The following IGSF21 variants were observed in gnomAD, a reference collection of about 807,000 sequenced individuals.
The protein encoded by IGSF21 is immunoglobulin superfamily member 21.
IGSF21 carries 28 observed loss-of-function variants against 46.8 expected under a neutral mutation model. The ratio of observed to expected loss-of-function variants is 0.60; its 90% CI spans 0.44 to 0.82. The LOEUF (loss-of-function observed/expected upper bound fraction) is 0.82. Ranked by LOEUF, IGSF21 falls within the 40% of genes least tolerant of loss-of-function variation. The probability of loss-of-function intolerance (pLI) is 0.00; values close to 1 mark genes in which losing one functional copy is unlikely to be tolerated. For missense variants in IGSF21, 624 were observed against 665.5 expected, an observed-to-expected ratio of 0.94 and a Z score of 0.69; for synonymous variants, 284 against 273.6, an observed-to-expected ratio of 1.04 and a Z score of -0.38.
intron 1 of IGSF21, among the ~76,000 whole-genome samples, chr1:18,131,006 C>T (rs9662184): frequency 0.14 from 20,633 of 152,170 alleles, 1,612 homozygotes; most frequent in African/African-American, 0.19. Context: ...TTGAGGTCCG[C>T]CTAGGCGGCT....
chr1:18,374,408 G>A (rs2086259148), intron 6 of IGSF21, among the ~76,000 whole-genome samples: 1 of 152,192 alleles, frequency 6.6e-6, no homozygotes, highest in Admixed American at 6.5e-5. Flanking sequence ...GGCCCCGCGT[G>A]TTAGGCAAGG....
At chr1:18,323,605 C>A (rs1322933780) in intron 3 of IGSF21, among the ~76,000 whole-genome samples, 2 of 152,068 alleles carry the variant, frequency 1.3e-5, no homozygotes, top group Non-Finnish European at 2.9e-5. Context: ...AGGGGTGGAG[C>A]CTGAGAGGGG....
At chr1:18,331,591 C>T (rs1019648431) in intron 3 of IGSF21, among the ~76,000 whole-genome samples, 1 of 152,208 alleles carries the variant, frequency 6.6e-6, no homozygotes, top group Non-Finnish European at 1.5e-5. Context: ...GTATCCTTTT[C>T]ATATAATGTC....
intron 1 of IGSF21, among the ~76,000 whole-genome samples, chr1:18,150,900 A>T (rs10907334): frequency 1.3e-5 from 2 of 152,046 alleles, no homozygotes; most frequent in Admixed American, 6.5e-5. Flanking sequence ...GGGCGGCCCT[A>T]GCCCCAAATC....
chr1:18,124,226 G>A (rs544085432), intron 1 of IGSF21, among the ~76,000 whole-genome samples: 10 of 152,256 alleles, frequency 6.6e-5, no homozygotes, highest in African/African-American at 2.2e-4. Flanking sequence ...GGACCTCCTC[G>A]TCCTCACCTG....
chr1:18,131,688 C>G (rs1177302410), intron 1 of IGSF21, among the ~76,000 whole-genome samples: 1 of 152,196 alleles, frequency 6.6e-6, no homozygotes, highest in Non-Finnish European at 1.5e-5. Flanking sequence ...GGTGGTTTTC[C>G]TCCATGTGCT....
In IGSF21 at chr1:18,193,543, A is replaced by G. The variant is rs1205736227; in HGVS notation, c.71-34355A>G. On this transcript the variant is annotated intron_variant, in intron 1 of 9. Transcript: ENST00000251296. Reference sequence around the variant, plus strand: ...AGTCCTATGCTCGAGGGCAGGAAGCATCCAGCATGGGAGAAAGATGTAGGC... The same window carrying G: ...AGTCCTATGCTCGAGGGCAGGAAGCGTCCAGCATGGGAGAAAGATGTAGGC... 2.0e-5 allele frequency among the ~76,000 whole-genome samples: 3 copies of G among 152,308 alleles called. No individual in the cohort carries two copies. In the East Asian group the frequency reaches 5.8e-4, roughly 29 times the overall value.
At position 18,108,083 on chromosome 1, in the gene IGSF21, G is replaced by T. The variant is rs1220135616; in HGVS notation, c.-46G>T. ...CATGGCGAGGGGACCCGCCGCCACC[G>T]CCTCCACCCCCGCCGCCCCGCCACC... is the stretch of plus-strand genomic sequence containing the variant. On this transcript the variant is annotated 5_prime_UTR_variant, in exon 1 of 10. Transcript: ENST00000251296. 1.1e-6 allele frequency: 1 copy of T among 946,570 alleles called. No individual in the cohort carries two copies. Among genetic ancestry groups the T allele is most frequent in the Admixed American group, 3.3e-5 (1 of 30,538 alleles). The allele number at this position is 946,570 out of a possible 1,614,324, so 58.6% of individuals were successfully genotyped here.
intron 3 of IGSF21, among the ~76,000 whole-genome samples, chr1:18,317,959 C>T (rs1309137093): frequency 2.6e-5 from 4 of 152,210 alleles, no homozygotes; most frequent in Non-Finnish European, 5.9e-5. Flanking sequence ...GGATTCAAAG[C>T]TGGGCAGCTA....
At chr1:18,330,842 C>A (rs1411432008) in intron 3 of IGSF21, among the ~76,000 whole-genome samples, 1 of 152,206 alleles carries the variant, frequency 6.6e-6, no homozygotes, top group African/African-American at 2.4e-5. Context: ...AAGTTCCCAC[C>A]TGCCCCTGTC....
chr1:18,291,112 G>C (rs1401649134), intron 2 of IGSF21, among the ~76,000 whole-genome samples: 2 of 152,250 alleles, frequency 1.3e-5, no homozygotes, highest in African/African-American at 4.8e-5. Context: ...ATGTGGGGAA[G>C]CAGGCGGGCG....
chr1:18,110,244 G>A (rs974495997), intron 1 of IGSF21: 16 of 152,292 alleles, frequency 1.1e-4, no homozygotes, highest in African/African-American at 3.9e-4. Context: ...CTGGGGCGCA[G>A]AGGGAGATCC....
At chr1:18,126,076 C>A (rs1365369232) in intron 1 of IGSF21, among the ~76,000 whole-genome samples, 1 of 152,110 alleles carries the variant, frequency 6.6e-6, no homozygotes, top group African/African-American at 2.4e-5. Context: ...GACTTAGCAG[C>A]CGGCCTTTGG....
intron 2 of IGSF21, among the ~76,000 whole-genome samples, chr1:18,280,363 G>T (rs1284188237): frequency 6.6e-6 from 1 of 152,132 alleles, no homozygotes; most frequent in Non-Finnish European, 1.5e-5. Context: ...TAGTTCTACT[G>T]TTCACACTGC....
chr1:18,374,478 G>T (rs932532191), intron 6 of IGSF21, among the ~76,000 whole-genome samples: 1 of 152,104 alleles, frequency 6.6e-6, no homozygotes, highest in African/African-American at 2.4e-5. Context: ...ATCCAAGGGC[G>T]CAAAGAACAG....
intron 4 of IGSF21, among the ~76,000 whole-genome samples, chr1:18,341,012 C>CTTCTTCT (rs1408481162): frequency 4.7e-5 from 4 of 84,984 alleles, no homozygotes; most frequent in South Asian, 6.2e-4. Flanking sequence ...CCTCCTTCTT[C>CTTCTTCT]TCTTCTTCTT....
intron 2 of IGSF21, among the ~76,000 whole-genome samples, chr1:18,251,366 T>G (rs773895622): frequency 1.3e-5 from 2 of 152,092 alleles, no homozygotes; most frequent in African/African-American, 2.4e-5. Flanking sequence ...TCCTCAAATC[T>G]CAATGGTTTG....
intron 1 of IGSF21, among the ~76,000 whole-genome samples, chr1:18,214,108 A>G (rs1479349346): frequency 6.6e-6 from 1 of 152,248 alleles, no homozygotes; most frequent in Non-Finnish European, 1.5e-5. Context: ...TTAATAATAA[A>G]TAAACAAACT....
At chr1:18,318,721 C>T (rs1232704032) in intron 3 of IGSF21, among the ~76,000 whole-genome samples, 1 of 152,148 alleles carries the variant, frequency 6.6e-6, no homozygotes, top group Non-Finnish European at 1.5e-5. Context: ...AAACCAGGGA[C>T]TCACAGCCCA....
Sources: gnomAD v4.1 joint callset for allele counts (sites outside exome capture counted in the v4.1 genomes callset) on GRCh38, gnomAD v4.1.1 for gene constraint, MANE v1.5 for transcripts, NCBI Gene and HGNC (gene_info 2026-07-23, HGNC 2026-07-21) for gene names.